The following OTUD7B variants were observed in gnomAD, a reference collection of about 807,000 sequenced individuals.
OTUD7B encodes the protein OTU domain-containing protein 7B.
In OTUD7B, 34 loss-of-function variants were observed where a neutral mutation model predicts 82.2. The ratio of observed to expected loss-of-function variants is 0.41; its 90% CI spans 0.31 to 0.55. OTUD7B has a LOEUF of 0.55. Ranked by LOEUF, OTUD7B falls within the 20% of genes least tolerant of loss-of-function variation. The probability of loss-of-function intolerance (pLI) is 0.20; values close to 1 mark genes in which losing one functional copy is unlikely to be tolerated. For synonymous variants in OTUD7B, 398 were observed against 402.7 expected (o/e 0.99, Z 0.14); for missense variants, 944 against 1,062.1 (o/e 0.89, Z 1.55).
At chr1:150,064,460 T>A in the OTUD7B span, among the ~76,000 whole-genome samples, 33 of 152,076 alleles carry the variant, frequency 2.2e-4, no homozygotes, top group African/African-American at 8.0e-4. Flanking sequence ...CAGCCTCGAT[T>A]TCCAGGGCTC....
At chr1:149,979,158 TGGTA>T (rs1650537113) in intron 1 of OTUD7B, among the ~76,000 whole-genome samples, 1 of 152,120 alleles carries the variant, frequency 6.6e-6, no homozygotes, top group African/African-American at 2.4e-5. Context: ...ATCTATAATA[TGGTA>T]GGTAGTCAAA....
chr1:149,947,046 C>G (rs1456432949), intron 11 of OTUD7B, among the ~76,000 whole-genome samples: 1 of 152,122 alleles, frequency 6.6e-6, no homozygotes, highest in African/African-American at 2.4e-5. Flanking sequence ...GAACAAGACT[C>G]CATCTCAAAA....
chr1:150,057,318 T>G, the OTUD7B span, among the ~76,000 whole-genome samples: 1 of 152,198 alleles, frequency 6.6e-6, no homozygotes, highest in African/African-American at 2.4e-5. Context: ...GAAGGAAGTT[T>G]GGTAAAGAGT....
chr1:149,976,732 G>A (rs1471285314), intron 2 of OTUD7B, among the ~76,000 whole-genome samples: 2 of 151,692 alleles, frequency 1.3e-5, no homozygotes, highest in Non-Finnish European at 2.9e-5. Flanking sequence ...TACCCATAAT[G>A]TATGTTATGT....
chr1:150,024,486 A>G, the OTUD7B span, among the ~76,000 whole-genome samples: 1 of 152,198 alleles, frequency 6.6e-6, no homozygotes. Context: ...ATAGGGTTAA[A>G]GATACTGATC....
At chr1:150,050,383 AC>A in the OTUD7B span, 2 of 152,244 alleles carry the variant, frequency 1.3e-5, no homozygotes, top group Non-Finnish European at 2.9e-5. Context: ...CACAGAAAGT[AC>A]TTAGCACATG....
the OTUD7B span, among the ~76,000 whole-genome samples, chr1:150,021,608 G>C: frequency 6.6e-6 from 1 of 152,198 alleles, no homozygotes; most frequent in African/African-American, 2.4e-5. Context: ...AGAGCTCCCT[G>C]TATGGGATGA....
chr1:150,023,898 A>G, the OTUD7B span, among the ~76,000 whole-genome samples: 7 of 152,234 alleles, frequency 4.6e-5, no homozygotes, highest in Non-Finnish European at 1.0e-4. Context: ...CCTTATAAAT[A>G]TATAATCATT....
chr1:149,996,171 GC>G (rs1452057451), intron 1 of OTUD7B, among the ~76,000 whole-genome samples: 15 of 152,256 alleles, frequency 9.9e-5, no homozygotes, highest in Admixed American at 2.0e-4. Flanking sequence ...AAAGAAACAA[GC>G]AAACAACATT....
At chr1:150,061,869 A>G in the OTUD7B span, among the ~76,000 whole-genome samples, 3 of 152,240 alleles carry the variant, frequency 2.0e-5, no homozygotes, top group African/African-American at 7.2e-5. Context: ...ATGCAATTGC[A>G]GAAATCATAG....
chr1:150,040,940 C>T, the OTUD7B span, among the ~76,000 whole-genome samples: 1 of 152,126 alleles, frequency 6.6e-6, no homozygotes, highest in African/African-American at 2.4e-5. Flanking sequence ...AAATTTGTGA[C>T]TTCAAGAGAT....
chr1:150,033,822 A>G, the OTUD7B span, among the ~76,000 whole-genome samples: 1 of 152,116 alleles, frequency 6.6e-6, no homozygotes, highest in Admixed American at 6.6e-5. Flanking sequence ...CCCAGGTTTA[A>G]GCGATTCTCC....
At chr1:150,038,152 C>T in the OTUD7B span, among the ~76,000 whole-genome samples, 1 of 151,968 alleles carries the variant, frequency 6.6e-6, no homozygotes, top group African/African-American at 2.4e-5. Context: ...AACCACTGGG[C>T]CCAGCTAAAC....
chr1:149,985,442 G>A (rs1047004631), intron 1 of OTUD7B, among the ~76,000 whole-genome samples: 1 of 151,960 alleles, frequency 6.6e-6, no homozygotes, highest in African/African-American at 2.4e-5. Flanking sequence ...TCCTATACAG[G>A]GTCGGGCATG....
intron 7 of OTUD7B, among the ~76,000 whole-genome samples, chr1:149,950,610 C>T (rs1418735166): frequency 2.0e-5 from 3 of 152,108 alleles, no homozygotes; most frequent in African/African-American, 7.2e-5. Flanking sequence ...ACATCACACT[C>T]ATGTCTTACA....
At chr1:150,060,084 T>C in the OTUD7B span, among the ~76,000 whole-genome samples, 1 of 152,208 alleles carries the variant, frequency 6.6e-6, no homozygotes, top group Admixed American at 6.5e-5. Context: ...TATTGGCATA[T>C]AAAAGAGAAA....
chr1:149,965,875 C>A lies in OTUD7B; in HGVS notation c.506G>T (p.Arg169Leu). 1 of 1,613,208 alleles carries A rather than the reference C, an allele frequency of 6.2e-7. No individual in the cohort carries two copies. Among genetic ancestry groups the A allele is most frequent in the Non-Finnish European group, 8.5e-7 (1 of 1,179,162 alleles). ...ATCCACACTCACCCACCAGTTCAAACGCCCTGTAGAAACAAGATAGTGGAG... is the reference window on the plus strand; with the variant it reads ...ATCCACACTCACCCACCAGTTCAAAAGCCCTGTAGAAACAAGATAGTGGAG... ...SMLVALEQAG[R>L]LNWWVSVDPT... is the part of the protein sequence containing the mutation. Residue 169 changes from arginine to leucine, a missense_variant, in exon 5 of 12, where the codon CGT becomes CTT. Around this residue, in one of 3 missense-constraint regions of OTUD7B, gnomAD observed 530 missense variants for 625.6 expected, o/e 0.85. Transcript: ENST00000581312.
chr1:150,042,387 G>T, the OTUD7B span, among the ~76,000 whole-genome samples: 2 of 151,860 alleles, frequency 1.3e-5, no homozygotes, highest in African/African-American at 4.8e-5. Flanking sequence ...TGGCCAGGCT[G>T]GTCTCGAGCT....
chr1:149,994,126 A>T (rs1429504315), intron 1 of OTUD7B, among the ~76,000 whole-genome samples: 1 of 152,182 alleles, frequency 6.6e-6, no homozygotes, highest in East Asian at 1.9e-4. Context: ...AGTGAGTCCT[A>T]TCCCATTATT....
Sources: allele counts gnomAD v4.1 joint callset (sites outside exome capture counted in the v4.1 genomes callset), GRCh38; gene constraint gnomAD v4.1.1; regional missense constraint gnomAD v4.1.1; transcripts MANE v1.5; gene names NCBI Gene and HGNC (gene_info 2026-07-23, HGNC 2026-07-21).